MYT1L: variants seen among roughly 807,000 people sequenced by gnomAD.
The protein encoded by MYT1L is myelin transcription factor 1-like protein.
A neutral mutation model predicts 126.7 loss-of-function variants in MYT1L; 12 were observed. The ratio of observed to expected loss-of-function variants is 0.09; its 90% CI spans 0.06 to 0.15. The LOEUF is 0.15. Among genes scored for constraint, MYT1L ranks in the 10% least tolerant of loss-of-function variants. The probability of loss-of-function intolerance (pLI) is 1.00; values close to 1 mark genes in which losing one functional copy is unlikely to be tolerated. For synonymous variants in MYT1L, 541 were observed against 604.2 expected (o/e 0.90, Z 1.53); for missense variants, 979 against 1,585.2 (o/e 0.62, Z 6.49).
chr2:1,812,333 T>A (rs1179037876), intron 21 of MYT1L, among the ~76,000 whole-genome samples: 1 of 152,226 alleles, frequency 6.6e-6, no homozygotes, highest in African/African-American at 2.4e-5. Context: ...ATGAAAAGAA[T>A]GTGTATTCTT....
chr2:1,842,946 C>CGCTTCCGCTTCCAGGG, intron 19 of MYT1L: 1 of 174,220 alleles, frequency 5.7e-6, no homozygotes, highest in South Asian at 1.3e-4. Context: ...CGCTTCCAGG[C>CGCTTCCGCTTCCAGGG]GCTTCCGCTT....
Position 1,791,479 on chromosome 2 carries a change from T to C in MYT1L, c.*388A>G. ...AAAGCTGTGGGTCTGTGTGTGCGTG[T>C]GTGTGTTTGTGTGTCCATTTCAGTT... On this transcript the variant is annotated 3_prime_UTR_variant, in exon 25 of 25. Coordinates refer to ENST00000647738, the MANE Select transcript of MYT1L (RefSeq NM_001303052.2). This position sits in a 1 kb window ranked among gnomAD's most constrained non-coding sequence, Gnocchi z 6.0. The C allele has an allele frequency of 8.9e-6, 3 of 337,450 alleles. 1 individual carries two copies. Among genetic ancestry groups the C allele is most frequent in the South Asian group, 7.4e-5 (3 of 40,762 alleles). 20.9% of individuals were successfully genotyped at this position (337,450 alleles called of 1,614,324 possible).
chr2:2,015,705 G>A (rs1173788766), intron 4 of MYT1L, among the ~76,000 whole-genome samples: 1 of 152,204 alleles, frequency 6.6e-6, no homozygotes, highest in Non-Finnish European at 1.5e-5. Flanking sequence ...GGCAAGGGAA[G>A]GAGGGGGCGG....
At chr2:2,116,782 A>T (rs1195691095) in intron 3 of MYT1L, among the ~76,000 whole-genome samples, 1 of 152,226 alleles carries the variant, frequency 6.6e-6, no homozygotes, top group African/African-American at 2.4e-5. Context: ...GGAAGCCAAG[A>T]CACCCACGTG....
rs114540166 is a variant in MYT1L at position 1,817,393 on chromosome 2, T to A, written c.3081-8226A>T. On this transcript the variant is annotated intron_variant, in intron 21 of 24. Transcript: ENST00000647738. ...CCCACACTGCGGTTCAGCACCGGCT[T>A]TGCCCACAGTCTCACGCTGCTTCTC... Among the ~76,000 whole-genome samples, 1,308 of 152,314 alleles carry A rather than the reference T, an allele frequency of 8.6e-3. 15 individuals carry two copies. The highest frequency in any genetic ancestry group is 0.03 in the African/African-American group (1,240 of 41,562).
At chr2:2,237,414 T>A (rs1300428031) in intron 2 of MYT1L, among the ~76,000 whole-genome samples, 2 of 152,168 alleles carry the variant, frequency 1.3e-5, no homozygotes, top group Non-Finnish European at 2.9e-5. Flanking sequence ...CACTAATGTC[T>A]CCTCGCATCA....
intron 1 of MYT1L, among the ~76,000 whole-genome samples, chr2:2,295,757 GA>G (rs2095680058): frequency 1.1e-5 from 1 of 88,598 alleles, no homozygotes; most frequent in Non-Finnish European, 2.8e-5. Flanking sequence ...GAGAGAGACA[GA>G]CAGACAGACA....
chr2:2,100,262 C>G (rs1378379964), intron 3 of MYT1L, among the ~76,000 whole-genome samples: 1 of 151,964 alleles, frequency 6.6e-6, no homozygotes, highest in South Asian at 2.1e-4. Flanking sequence ...GAAGCGGGCA[C>G]CAGTGAGGGT....
At chr2:2,185,104 A>T (rs557418627) in intron 2 of MYT1L, among the ~76,000 whole-genome samples, 1 of 152,152 alleles carries the variant, frequency 6.6e-6, no homozygotes, top group Non-Finnish European at 1.5e-5. Context: ...GTCACCAGCC[A>T]GCAACTCTTC....
rs1399579355 is a variant in MYT1L at position 2,230,341 on chromosome 2, T to C, written c.-421+54063A>G. On this transcript the variant is annotated intron_variant, in intron 2 of 24. Transcript: ENST00000647738. ...GCACTTCCAAGGTACAGTTTCCTTT[T>C]GCTGGGATGCAACTTCAAGCTCGAA... Among the ~76,000 whole-genome samples the C allele has an allele frequency of 2.6e-5, 4 of 152,246 alleles. No homozygotes were observed. The East Asian group carries it at 7.7e-4, about 29-fold the overall frequency.
At chr2:2,206,645 T>A (rs2093333119) in intron 2 of MYT1L, among the ~76,000 whole-genome samples, 1 of 152,218 alleles carries the variant, frequency 6.6e-6, no homozygotes, top group South Asian at 2.1e-4. Flanking sequence ...CATTTCTTAG[T>A]CTGTCCTTTA....
At chr2:2,021,986 C>T (rs2065083794) in intron 4 of MYT1L, among the ~76,000 whole-genome samples, 1 of 152,176 alleles carries the variant, frequency 6.6e-6, no homozygotes, top group Non-Finnish European at 1.5e-5. Context: ...ACACAAGTGG[C>T]AGTTCCAAAA....
At chr2:1,950,399 T>C (rs1368322989) in intron 8 of MYT1L, among the ~76,000 whole-genome samples, 1 of 152,130 alleles carries the variant, frequency 6.6e-6, no homozygotes, top group Non-Finnish European at 1.5e-5. Flanking sequence ...TTGGAAAGCA[T>C]GTCACTGAGC....
intron 14 of MYT1L, among the ~76,000 whole-genome samples, chr2:1,900,750 A>G (rs1415735928): frequency 6.6e-6 from 1 of 152,076 alleles, no homozygotes; most frequent in Non-Finnish European, 1.5e-5. Context: ...TCATTTTCTC[A>G]CTGCACTGTG....
intron 1 of MYT1L, chr2:2,303,414 A>T (rs893388871): frequency 1.3e-5 from 2 of 152,484 alleles, no homozygotes; most frequent in African/African-American, 4.8e-5. Context: ...GGAGTCAGCC[A>T]GTTCCTACCA....
chr2:2,219,105 A>G (rs1378596602), intron 2 of MYT1L, among the ~76,000 whole-genome samples: 2 of 152,214 alleles, frequency 1.3e-5, no homozygotes, highest in Non-Finnish European at 2.9e-5. Flanking sequence ...TCGCCGTCAC[A>G]TTGCTAAGAG....
intron 3 of MYT1L, among the ~76,000 whole-genome samples, chr2:2,150,581 A>C (rs897134104): frequency 6.6e-6 from 1 of 152,160 alleles, no homozygotes; most frequent in African/African-American, 2.4e-5. Flanking sequence ...ACTAAATTAC[A>C]ATTTTTTTTA....
intron 4 of MYT1L, among the ~76,000 whole-genome samples, chr2:2,050,500 G>C (rs2068707523): frequency 6.6e-6 from 1 of 152,190 alleles, no homozygotes; most frequent in African/African-American, 2.4e-5. Flanking sequence ...GGATTTCCTA[G>C]AGCACCAGCT....
At chr2:2,015,192 G>T (rs1269327252) in intron 4 of MYT1L, among the ~76,000 whole-genome samples, 1 of 152,280 alleles carries the variant, frequency 6.6e-6, no homozygotes, top group Non-Finnish European at 1.5e-5. Flanking sequence ...GAAGAGAATG[G>T]GTGCAAGGGC....
Sources: allele counts gnomAD v4.1 joint callset (sites outside exome capture counted in the v4.1 genomes callset), GRCh38; gene constraint gnomAD v4.1.1; non-coding constraint Gnocchi (gnomAD v3.1); transcripts MANE v1.5; gene names NCBI Gene and HGNC (gene_info 2026-07-23, HGNC 2026-07-21).